The following PCGF1 variants were observed in gnomAD, a reference collection of about 807,000 sequenced individuals.
PCGF1 encodes polycomb group ring finger 1, also known as polycomb group RING finger protein 1.
In PCGF1, 10 loss-of-function variants were observed where a neutral mutation model predicts 38.8. That is an observed-to-expected ratio of 0.26 (90% CI 0.16 to 0.44). The LOEUF (loss-of-function observed/expected upper bound fraction) is 0.44. Among genes scored for constraint, PCGF1 ranks in the 20% least tolerant of loss-of-function variants. The probability of loss-of-function intolerance (pLI) is 1.00; values close to 1 mark genes in which losing one functional copy is unlikely to be tolerated. For missense variants in PCGF1, 230 were observed against 331.5 expected (o/e 0.69, Z 2.38); for synonymous variants, 119 against 121.3 (o/e 0.98, Z 0.12).
intron 1 of PCGF1, 47 bp downstream of exon 1, chr2:74,507,529 A>G: frequency 1.3e-6 from 2 of 1,550,660 alleles, no homozygotes; most frequent in South Asian, 1.2e-5. Flanking sequence ...GCCCGCCCCA[A>G]TTCGCACCGC....
At chr2:74,507,438 A>G in intron 1 of PCGF1, 138 bp downstream of exon 1, 2 of 1,467,116 alleles carry the variant, frequency 1.4e-6, no homozygotes, top group Admixed American at 4.8e-5. Flanking sequence ...TGGCAACCCG[A>G]TCGCAACCAC....
At chr2:74,505,695 G>A in intron 6 of PCGF1, 42 bp downstream of exon 6, 1 of 1,614,022 alleles carries the variant, frequency 6.2e-7, no homozygotes, top group Non-Finnish European at 8.5e-7. Flanking sequence ...GACCATGGGA[G>A]GTGAGTCTCC....
rs72818087 is a variant in PCGF1 at position 74,506,814 on chromosome 2, G to A, written c.270C>T (p.His90=). The change falls in exon 3 of 9, where the codon CAC becomes CAT. Residue 90 remains histidine, a synonymous_variant. Transcript: ENST00000233630. ...TGAGGTTGAGCAGTGGCTGTGTCTC[G>A]TGGATCTTAATGTTGCACATGGGGC... ...KYCPMCNIKI[H]ETQPLLNLKL... 5.0e-6 allele frequency: 8 copies of A among 1,614,146 alleles called. No individual in the cohort carries two copies. Among genetic ancestry groups the A allele is most frequent in the African/African-American group, 1.3e-5 (1 of 75,030 alleles).
chr2:74,505,482 C>T (rs181340250), intron 7 of PCGF1, 63 bp from the exon 8 acceptor site: 262 of 1,608,720 alleles, frequency 1.6e-4, no homozygotes, highest in Non-Finnish European at 2.2e-4. Context: ...TACCCTGGTC[C>T]ACCCTAGACT....
In PCGF1 at chr2:74,505,645, G is replaced by A; in HGVS notation, c.565-7C>T. Reference sequence around the variant, plus strand: ...AACATCGGACATACTTGTTCTGGGAGCAGGGAGGGGAGGGAAGAGGGCAAG... The same window carrying A: ...AACATCGGACATACTTGTTCTGGGAACAGGGAGGGGAGGGAAGAGGGCAAG... On this transcript the variant is annotated splice_polypyrimidine_tract_variant and splice_region_variant and intron_variant, in intron 6 of 8. Coordinates refer to ENST00000233630, the MANE Select transcript of PCGF1 (RefSeq NM_032673.3). 1 of 1,614,068 alleles carries A rather than the reference G, an allele frequency of 6.2e-7. No individual in the cohort carries two copies. The highest frequency in any genetic ancestry group is 8.5e-7 in the Non-Finnish European group (1 of 1,179,998).
chr2:74,506,994 G>A (rs747351827), intron 2 of PCGF1, 48 bp downstream of exon 2: 1 of 1,601,020 alleles, frequency 6.2e-7, no homozygotes, highest in South Asian at 1.1e-5. Context: ...CAGTCAGCTT[G>A]GTGAAGACTA....
chr2:74,505,671 G>A (rs202141276), intron 6 of PCGF1, 33 bp from the exon 7 acceptor site: 4 of 1,614,002 alleles, frequency 2.5e-6, no homozygotes, highest in African/African-American at 2.7e-5. Flanking sequence ...AGAGGGCAAG[G>A]TGTGTGAGGG....
Position 74,506,813 on chromosome 2 carries a change from C to G in PCGF1, c.271G>C (p.Glu91Gln), listed in dbSNP as rs1162271240. 1 of 1,614,140 alleles carries G rather than the reference C, an allele frequency of 6.2e-7. No homozygotes were observed. Among genetic ancestry groups the G allele is most frequent in the Admixed American group, 1.7e-5 (1 of 60,030 alleles). The change falls in exon 3 of 9, where the codon GAG (glutamate) becomes CAG (glutamine). Residue 91 changes from glutamate (E) to glutamine (Q), a missense_variant. Glu to Gln is a conservative substitution (Grantham distance 29). This residue lies in a region of PCGF1 where 40 missense variants were observed against 113.2 expected (regional missense o/e 0.35). Transcript: ENST00000233630. ...YCPMCNIKIH[E>Q]TQPLLNLKLD... ...TTGAGGTTGAGCAGTGGCTGTGTCT[C>G]GTGGATCTTAATGTTGCACATGGGG...
At chr2:74,506,336 G>T (rs1674634015) in intron 3 of PCGF1, 84 bp from the exon 4 acceptor site, 6 of 1,275,988 alleles carry the variant, frequency 4.7e-6, no homozygotes, top group Non-Finnish European at 5.7e-6. Flanking sequence ...CCAGCACTTT[G>T]GGAGGCAGAG....
intron 5 of PCGF1, 43 bp from the exon 6 acceptor site, chr2:74,505,813 C>T: frequency 6.2e-7 from 1 of 1,612,756 alleles, no homozygotes; most frequent in East Asian, 2.2e-5. Flanking sequence ...TATCTTTCCT[C>T]CTCTTCCCCA....
At chr2:74,505,854 G>A (rs1168727934) in intron 5 of PCGF1, 84 bp from the exon 6 acceptor site, 14 of 1,604,936 alleles carry the variant, frequency 8.7e-6, no homozygotes, top group Non-Finnish European at 1.2e-5. Flanking sequence ...TCTTCAAGGG[G>A]ATAGGCACTC....
At position 74,506,048 on chromosome 2, in the gene PCGF1, A is replaced by G. The variant is rs200556348; in HGVS notation, c.434T>C (p.Leu145Pro). The change falls in exon 5 of 9, where the codon CTG becomes CCG. Residue 145 changes from leucine to proline, a missense_variant. Transcript: ENST00000233630. Reference protein sequence around the residue: ...VTQPTGEEPALSNLGLPFSSF... With the variant: ...VTQPTGEEPAPSNLGLPFSSF... ...GCTGAAGGGGAGGCCGAGGTTGCTC[A>G]GTGCTGGCTCTGAGAAAGATAGGGT... The G allele has an allele frequency of 1.2e-6, 2 of 1,614,234 alleles. No individual in the cohort carries two copies. The highest frequency in any genetic ancestry group is 2.7e-5 in the African/African-American group (2 of 75,064).
intron 1 of PCGF1, 110 bp downstream of exon 1, chr2:74,507,464 ACT>A: frequency 6.7e-7 from 1 of 1,496,326 alleles, no homozygotes; most frequent in Non-Finnish European, 8.9e-7. Context: ...CGCACTGGGC[ACT>A]CTGTCTCTGC....
At chr2:74,507,342 C>T in intron 1 of PCGF1, 195 bp from the exon 2 acceptor site, 1 of 1,453,512 alleles carries the variant, frequency 6.9e-7, no homozygotes, top group South Asian at 1.4e-5. Flanking sequence ...CGGGGGCTTC[C>T]CTCACGTGGA....
At position 74,506,322 on chromosome 2, in the gene PCGF1, AATCC is replaced by A. The variant is rs1377846598; in HGVS notation, c.353-74_353-71del. 2.1e-6 allele frequency: 3 copies of A among 1,435,492 alleles called. No individual in the cohort carries two copies. The African/African-American group carries it at 4.2e-5, about 20-fold the overall frequency. The allele number at this position is 1,435,492 out of a possible 1,614,324, so 88.9% of individuals were successfully genotyped here. The stretch of plus-strand genomic sequence containing the variant: ...GCCGGGCGCGGTGGCTCACGCCTGT[AATCC>A]CAGCACTTTGGGAGGCAGAGGTGGG... On this transcript the variant is annotated intron_variant, in intron 3 of 8. Coordinates refer to ENST00000233630, the MANE Select transcript of PCGF1 (RefSeq NM_032673.3).
In PCGF1 at chr2:74,507,564, C is replaced by A; in HGVS notation, c.93+12G>T. 1.3e-6 allele frequency: 2 copies of A among 1,577,580 alleles called. No homozygotes were observed. The highest frequency in any genetic ancestry group is 1.8e-5 in the Admixed American group (1 of 55,206). ...CTGGCCGACCACAGCAGTAACCCTG[C>A]CGCCCTTGCACCTCGTTCCGTAGCG... On this transcript the variant is annotated intron_variant, in intron 1 of 8. Transcript: ENST00000233630.
rs748342812 is a variant in PCGF1, at chr2:74,506,809, G to A, written c.275C>T (p.Thr92Ile). 6.2e-7 allele frequency: 1 copy of A among 1,614,186 alleles called. No homozygotes were observed. The highest frequency in any genetic ancestry group is 1.7e-5 in the Admixed American group (1 of 60,028). The change falls in exon 3 of 9, where the codon ACA (threonine) becomes ATA (isoleucine). Residue 92 changes from threonine to isoleucine, a missense_variant. Physicochemically the swap from Thr to Ile is moderately conservative, Grantham distance 89. Around this residue, in one of 3 missense-constraint regions of PCGF1, gnomAD observed 40 missense variants for 113.2 expected, o/e 0.35. Transcript: ENST00000233630. Reference sequence around the variant, plus strand: ...CAGTTTGAGGTTGAGCAGTGGCTGTGTCTCGTGGATCTTAATGTTGCACAT... The same window carrying A: ...CAGTTTGAGGTTGAGCAGTGGCTGTATCTCGTGGATCTTAATGTTGCACAT... Reference protein sequence around the residue: ...CPMCNIKIHETQPLLNLKLDR... With the variant: ...CPMCNIKIHEIQPLLNLKLDR...
rs988952815 is a variant in PCGF1, at chr2:74,505,780, A to G, written c.531-10T>C. 2 of 1,614,120 alleles carry G rather than the reference A, an allele frequency of 1.2e-6. No individual in the cohort carries two copies. The highest frequency in any genetic ancestry group is 3.3e-5 in the Admixed American group (2 of 60,014). ...CTTGTCTTTGCCAGAACTGGGGGGA[A>G]ATAGACACAGGTTAGGGAATCCTAT... On this transcript the variant is annotated splice_polypyrimidine_tract_variant and intron_variant, in intron 5 of 8. Transcript: ENST00000233630.
intron 7 of PCGF1, 59 bp from the exon 8 acceptor site, chr2:74,505,478 G>C: frequency 6.2e-7 from 1 of 1,607,754 alleles, no homozygotes; most frequent in Non-Finnish European, 8.5e-7. Context: ...AAACTACCCT[G>C]GTCCACCCTA....
Sources: gnomAD v4.1 joint callset for allele counts on GRCh38, gnomAD v4.1.1 for gene constraint, gnomAD v4.1.1 regional missense constraint, MANE v1.5 for transcripts, NCBI Gene and HGNC (gene_info 2026-07-23, HGNC 2026-07-21) for gene names.